RGS17: variants seen among roughly 807,000 people sequenced by gnomAD.
RGS17 encodes the protein regulator of G protein signaling 17.
A neutral mutation model predicts 25.5 loss-of-function variants in RGS17; 12 were observed. The observed-to-expected ratio is 0.47, with a 90% CI of 0.30 to 0.76. The LOEUF is 0.76. Among genes scored for constraint, RGS17 ranks in the 30% least tolerant of loss-of-function variants. RGS17 has a pLI of 0.07. For synonymous variants in RGS17, 71 were observed against 76.9 expected, an observed-to-expected ratio of 0.92 and a Z score of 0.40; for missense variants, 196 against 242.2, an observed-to-expected ratio of 0.81 and a Z score of 1.27.
intron 3 of RGS17, among the ~76,000 whole-genome samples, chr6:153,024,706 A>G (rs1779281770): frequency 6.6e-6 from 1 of 152,236 alleles, no homozygotes; most frequent in Non-Finnish European, 1.5e-5. Flanking sequence ...TCACACAGGC[A>G]TAAGAGACAT....
chr6:153,007,410 C>G lies in RGS17; in HGVS notation c.*4164G>C, dbSNP rs768219960. 1 of 151,978 alleles carries G rather than the reference C, an allele frequency of 6.6e-6. No homozygotes were observed. The highest frequency in any genetic ancestry group is 1.5e-5 in the Non-Finnish European group (1 of 68,002). 9.4% of individuals were successfully genotyped at this position (151,978 alleles called of 1,614,324 possible). ...CAAAAATACATGTTTGAAAAATATA[C>G]TTAGAAAATTATGGTTGTAAACTGT... On this transcript the variant is annotated 3_prime_UTR_variant, in exon 5 of 5. Coordinates refer to ENST00000206262, the MANE Select transcript of RGS17 (RefSeq NM_012419.5).
At chr6:153,054,048 TA>T (rs1337905356) in intron 1 of RGS17, among the ~76,000 whole-genome samples, 19 of 76,524 alleles carry the variant, frequency 2.5e-4, no homozygotes, top group Admixed American at 6.9e-4. Flanking sequence ...TATATGTATA[TA>T]TGTATATAAT....
At chr6:153,016,105 T>C (rs950737067) in intron 4 of RGS17, among the ~76,000 whole-genome samples, 12 of 152,358 alleles carry the variant, frequency 7.9e-5, no homozygotes, top group Admixed American at 5.9e-4. Context: ...TTTGTCTTTA[T>C]TGGGAATTCT....
chr6:153,068,402 G>A (rs558245994), intron 1 of RGS17, among the ~76,000 whole-genome samples: 83 of 152,240 alleles, frequency 5.5e-4, no homozygotes, highest in African/African-American at 1.8e-3. Context: ...AACCGAGATC[G>A]CGCCACTGCA....
At position 153,048,507 on chromosome 6, in the gene RGS17, TC is replaced by T. The variant is rs1369635315; in HGVS notation, c.-25-4465del. 3.3e-5 allele frequency among the ~76,000 whole-genome samples: 5 copies of T among 152,164 alleles called. No individual in the cohort carries two copies. The East Asian group carries it at 9.6e-4, about 29-fold the overall frequency. ...TTCCATTCAAATCCAATCCAAAACT[TC>T]CAGTGGCTTACCATCTTATTCAGAG... is the stretch of plus-strand genomic sequence containing the variant. On this transcript the variant is annotated intron_variant, in intron 1 of 4. Coordinates refer to ENST00000206262, the MANE Select transcript of RGS17 (RefSeq NM_012419.5).
In RGS17 at chr6:153,007,780, G is replaced by A. The variant is rs1779092639; in HGVS notation, c.*3794C>T. 2.0e-5 allele frequency: 3 copies of A among 152,132 alleles called. No homozygotes were observed. The highest frequency in any genetic ancestry group is 6.5e-5 in the Admixed American group (1 of 15,270). The allele number at this position is 152,132 out of a possible 1,614,324, so 9.4% of individuals were successfully genotyped here. A position where few individuals can be genotyped will look rare whatever the true frequency, so the allele number is the denominator to read the frequency against. On this transcript the variant is annotated 3_prime_UTR_variant, in exon 5 of 5. Transcript: ENST00000206262. ...CTAATTTTGTATTTTTACTAGAGTC[G>A]GGGTTTCACCATGTTGGCCAGTCTG...
At chr6:153,036,362 C>T (rs1776239403) in intron 2 of RGS17, among the ~76,000 whole-genome samples, 1 of 152,110 alleles carries the variant, frequency 6.6e-6, no homozygotes, top group African/African-American at 2.4e-5. Context: ...CCCCTTGCTG[C>T]GTTTTGCATG....
chr6:153,029,155 T>C (rs1779334259), intron 2 of RGS17, among the ~76,000 whole-genome samples: 2 of 152,212 alleles, frequency 1.3e-5, no homozygotes, highest in South Asian at 4.1e-4. Flanking sequence ...CAACAGACAT[T>C]CAGTAAATGT....
intron 4 of RGS17, 114 bp from the exon 5 acceptor site, chr6:153,011,876 C>A: frequency 1.4e-6 from 1 of 712,146 alleles, no homozygotes; most frequent in South Asian, 2.4e-5. Context: ...ATCCAACTAC[C>A]AAAAGTCTTG....
At chr6:153,097,210 A>G (rs961295623) in intron 1 of RGS17, among the ~76,000 whole-genome samples, 3 of 151,914 alleles carry the variant, frequency 2.0e-5, no homozygotes, top group Admixed American at 6.6e-5. Flanking sequence ...TTTGATCCCA[A>G]ATGTTTTCTC....
chr6:153,020,111 A>ATATATAT (rs1554235102), intron 4 of RGS17, among the ~76,000 whole-genome samples: 28 of 58,452 alleles, frequency 4.8e-4, no homozygotes, highest in South Asian at 3.5e-3. Flanking sequence ...AAAAAAAAAA[A>ATATATAT]ATATATATAT....
intron 1 of RGS17, among the ~76,000 whole-genome samples, chr6:153,051,489 T>C (rs1352502542): frequency 6.6e-6 from 1 of 152,196 alleles, no homozygotes; most frequent in African/African-American, 2.4e-5. Flanking sequence ...ACACTAAATT[T>C]CACTGTCCTT....
chr6:153,098,820 T>C (rs1380379548), intron 1 of RGS17, among the ~76,000 whole-genome samples: 3 of 152,178 alleles, frequency 2.0e-5, no homozygotes, highest in African/African-American at 7.2e-5. Flanking sequence ...CATTCTATGA[T>C]CTTAACAGAC....
At chr6:153,081,634 CCCT>C (rs373425074) in intron 1 of RGS17, among the ~76,000 whole-genome samples, 19 of 151,696 alleles carry the variant, frequency 1.3e-4, no homozygotes, top group African/African-American at 4.1e-4. Flanking sequence ...CTTTTTTTCC[CCCT>C]CTTTTTTCTT....
intron 1 of RGS17, among the ~76,000 whole-genome samples, chr6:153,102,981 T>C (rs1044619115): frequency 2.6e-5 from 4 of 152,244 alleles, no homozygotes; most frequent in Non-Finnish European, 5.9e-5. Flanking sequence ...GCTTTTGCTA[T>C]TGAAAAGCAT....
At chr6:153,077,079 T>A (rs1776893143) in intron 1 of RGS17, among the ~76,000 whole-genome samples, 1 of 152,192 alleles carries the variant, frequency 6.6e-6, no homozygotes, top group East Asian at 1.9e-4. Context: ...TCATAACTGA[T>A]GCAACAGGAG....
At chr6:153,098,241 G>C (rs1777246601) in intron 1 of RGS17, among the ~76,000 whole-genome samples, 1 of 152,074 alleles carries the variant, frequency 6.6e-6, no homozygotes, top group African/African-American at 2.4e-5. Context: ...TGGATGAGGG[G>C]GTGACCTTAG....
intron 1 of RGS17, among the ~76,000 whole-genome samples, chr6:153,059,135 T>G (rs1192081632): frequency 6.6e-6 from 1 of 152,160 alleles, no homozygotes; most frequent in Non-Finnish European, 1.5e-5. Context: ...TCTCTCTTCA[T>G]GTTCATAACA....
At position 153,009,534 on chromosome 6, in the gene RGS17, C is replaced by CT. The variant is rs1016826282; in HGVS notation, c.*2039dup. The CT allele has an allele frequency of 6.6e-6, 1 of 151,744 alleles. No individual in the cohort carries two copies. The highest frequency in any genetic ancestry group is 1.5e-5 in the Non-Finnish European group (1 of 67,796). 9.4% of individuals were successfully genotyped at this position (151,744 alleles called of 1,614,324 possible). On this transcript the variant is annotated 3_prime_UTR_variant, in exon 5 of 5. Transcript: ENST00000206262. ...TTTTTGTAAACATCTTCATAGCTATCTTTTTTTCAACATATTACTGAAAAC... is the reference window on the plus strand; with the variant it reads ...TTTTTGTAAACATCTTCATAGCTATCTTTTTTTTCAACATATTACTGAAAAC...
Sources: allele counts gnomAD v4.1 joint callset (sites outside exome capture counted in the v4.1 genomes callset), GRCh38; gene constraint gnomAD v4.1.1; transcripts MANE v1.5; gene names NCBI Gene and HGNC (gene_info 2026-07-23, HGNC 2026-07-21).